Variants in VPS13B observed in about 807,000 individuals in gnomAD.
The protein encoded by VPS13B is intermembrane lipid transfer protein VPS13B.
In VPS13B, 285 loss-of-function variants were observed where a neutral mutation model predicts 426.4. The ratio of observed to expected loss-of-function variants is 0.67; its 90% confidence interval spans 0.61 to 0.74. VPS13B has a LOEUF of 0.74. VPS13B is among the 30% of genes least tolerant of loss of function. VPS13B has a pLI of 0.00. For synonymous variants in VPS13B, 1,676 were observed against 1,676.4 expected (o/e 1.00, Z 0.01); for missense variants, 4,537 against 4,782.6 (o/e 0.95, Z 1.51).
intron 15 of VPS13B, among the ~76,000 whole-genome samples, chr8:99,158,849 ACATT>A (rs1377560210): frequency 6.6e-6 from 1 of 152,192 alleles, no homozygotes; most frequent in Non-Finnish European, 1.5e-5. Flanking sequence ...TGTTAACATG[ACATT>A]CATTCTGCAG....
intron 19 of VPS13B, among the ~76,000 whole-genome samples, chr8:99,325,942 A>G (rs992922331): frequency 1.3e-5 from 2 of 152,098 alleles, no homozygotes; most frequent in African/African-American, 2.4e-5. Flanking sequence ...TAAATTATTT[A>G]TTTGTTTTCC....
At position 99,818,739 on chromosome 8, in the gene VPS13B, G is replaced by A. The variant is rs766844903; in HGVS notation, c.8472G>A (p.Met2824Ile). Residue 2824 changes from methionine (M) to isoleucine (I), a missense_variant, in exon 47 of 62, where the codon ATG becomes ATA. Transcript: ENST00000357162. ...TTGTGTTCAGCCCTCTTTTTATCAT[G>A]AGGAGTCATCTTCCAGACCCCATTA... ...RMIVFSPLFI[M>I]RSHLPDPIII... The A allele has an allele frequency of 1.9e-6, 3 of 1,613,912 alleles. No individual in the cohort carries two copies. Among genetic ancestry groups the A allele is most frequent in the Admixed American group, 1.7e-5 (1 of 60,020 alleles).
At chr8:99,063,146 C>T (rs1170650247) in intron 3 of VPS13B, among the ~76,000 whole-genome samples, 4 of 152,176 alleles carry the variant, frequency 2.6e-5, no homozygotes, top group African/African-American at 4.8e-5. Flanking sequence ...CAGCTCCCAG[C>T]GTGATTGACA....
At chr8:99,730,161 C>T (rs575510945) in intron 39 of VPS13B, among the ~76,000 whole-genome samples, 20 of 152,346 alleles carry the variant, frequency 1.3e-4, no homozygotes, top group African/African-American at 4.6e-4. Flanking sequence ...TGCCCACTGG[C>T]AGCTGTACTA....
chr8:99,340,683 A>G (rs1393636058), intron 19 of VPS13B: 1 of 393,186 alleles, frequency 2.5e-6, no homozygotes, highest in East Asian at 7.0e-5. Flanking sequence ...GTTGAAGATG[A>G]TGCACAGGTG....
chr8:99,038,540 A>T lies in VPS13B; in HGVS notation c.265A>T (p.Ile89Phe), dbSNP rs758403149. The T allele has an allele frequency of 6.2e-7, 1 of 1,613,022 alleles. No homozygotes were observed. The highest frequency in any genetic ancestry group is 1.7e-4 in the Middle Eastern group (1 of 6,010). ...VVITINTMECILKLKDGIQDD... is the reference protein window; with the variant it reads ...VVITINTMECFLKLKDGIQDD... ...AATTACCATCAATACTATGGAATGC[A>T]TTTTGAAACTTAAGGATGGGATACA... is the stretch of plus-strand genomic sequence containing the variant. The change falls in exon 3 of 62, where the codon ATT becomes TTT. Residue 89 changes from isoleucine to phenylalanine, a missense_variant. By Grantham distance (21) the Ile-to-Phe change is conservative. Around this residue, in one of 2 missense-constraint regions of VPS13B, gnomAD observed 226 missense variants for 308.3 expected, o/e 0.73. Coordinates refer to ENST00000357162, the MANE Select transcript of VPS13B (RefSeq NM_152564.5).
chr8:99,780,385 G>A (rs1157295286), intron 42 of VPS13B, among the ~76,000 whole-genome samples: 1 of 152,108 alleles, frequency 6.6e-6, no homozygotes, highest in Non-Finnish European at 1.5e-5. Context: ...AGCAACTACT[G>A]CAAAATGGCC....
intron 23 of VPS13B, among the ~76,000 whole-genome samples, chr8:99,447,836 G>A (rs1817997979): frequency 6.6e-6 from 1 of 151,716 alleles, no homozygotes; most frequent in Admixed American, 6.6e-5. Context: ...GAATTCCTCA[G>A]TTATGTTTTT....
intron 56 of VPS13B, among the ~76,000 whole-genome samples, chr8:99,858,976 G>A (rs1023327757): frequency 1.3e-5 from 2 of 152,152 alleles, no homozygotes; most frequent in East Asian, 1.9e-4. Context: ...TGCAACCCAA[G>A]AAGGCGCCCT....
chr8:99,204,456 C>G (rs1207695215), intron 17 of VPS13B, among the ~76,000 whole-genome samples: 2 of 152,186 alleles, frequency 1.3e-5, no homozygotes, highest in African/African-American at 4.8e-5. Context: ...CAGGCAAAGA[C>G]TTTGTGACTT....
At chr8:99,535,651 T>C (rs1823167580) in intron 30 of VPS13B, among the ~76,000 whole-genome samples, 1 of 152,196 alleles carries the variant, frequency 6.6e-6, no homozygotes, top group South Asian at 2.1e-4. Flanking sequence ...TAGGAAAGTA[T>C]ATTTATCATT....
chr8:99,077,319 C>T (rs1247922506), intron 3 of VPS13B, among the ~76,000 whole-genome samples: 3 of 152,024 alleles, frequency 2.0e-5, no homozygotes, highest in Admixed American at 6.6e-5. Flanking sequence ...ATTACAGGAA[C>T]GTGCCACCAC....
chr8:99,625,261 G>A (rs1828561544), intron 33 of VPS13B, among the ~76,000 whole-genome samples: 1 of 152,078 alleles, frequency 6.6e-6, no homozygotes, highest in Non-Finnish European at 1.5e-5. Context: ...AGTAAGTCAA[G>A]ACAATACTCA....
At position 99,337,155 on chromosome 8, in the gene VPS13B, C is replaced by T. The variant is rs570583874; in HGVS notation, c.2825-47053C>T. Reference sequence around the variant, plus strand: ...TAGACTGGATTAAGAAAATGTGGCACATATACACCATGGAATACTATGCAG... The same window carrying T: ...TAGACTGGATTAAGAAAATGTGGCATATATACACCATGGAATACTATGCAG... On this transcript the variant is annotated intron_variant, in intron 19 of 61. Transcript: ENST00000357162. Among the ~76,000 whole-genome samples the T allele has an allele frequency of 3.3e-5, 5 of 152,144 alleles. No homozygotes were observed. The East Asian group carries it at 9.6e-4, about 29-fold the overall frequency.
intron 15 of VPS13B, among the ~76,000 whole-genome samples, chr8:99,162,210 T>C (rs1811697753): frequency 6.6e-6 from 1 of 152,214 alleles, no homozygotes; most frequent in Non-Finnish European, 1.5e-5. Flanking sequence ...ATAAAGTTTA[T>C]AGCAGTTCAT....
At chr8:99,256,788 G>A (rs1817764812) in intron 17 of VPS13B, among the ~76,000 whole-genome samples, 1 of 152,040 alleles carries the variant, frequency 6.6e-6, no homozygotes, top group Admixed American at 6.6e-5. Flanking sequence ...CTGGATACCA[G>A]CGTCTCATCA....
At chr8:99,776,618 A>G (rs1471232304) in intron 40 of VPS13B, among the ~76,000 whole-genome samples, 157 bp from the exon 41 acceptor site, 1 of 152,234 alleles carries the variant, frequency 6.6e-6, no homozygotes, top group Non-Finnish European at 1.5e-5. Context: ...ATTTTAAAAA[A>G]TAGCTAATTT....
chr8:99,116,490 G>GT (rs2132500458), intron 7 of VPS13B, among the ~76,000 whole-genome samples: 1 of 152,268 alleles, frequency 6.6e-6, no homozygotes, highest in East Asian at 1.9e-4. Context: ...CTGGAGTGCA[G>GT]TGGCATGATC....
At chr8:99,573,657 A>T (rs1287756487) in intron 31 of VPS13B, among the ~76,000 whole-genome samples, 1 of 152,134 alleles carries the variant, frequency 6.6e-6, no homozygotes, top group African/African-American at 2.4e-5. Context: ...CCATTGGTCT[A>T]TATCTCTGTT....
Sources: gnomAD v4.1 joint callset for allele counts (sites outside exome capture counted in the v4.1 genomes callset) on GRCh38, gnomAD v4.1.1 for gene constraint, gnomAD v4.1.1 regional missense constraint, MANE v1.5 for transcripts, NCBI Gene and HGNC (gene_info 2026-07-23, HGNC 2026-07-21) for gene names.